TNS3: variants seen among roughly 807,000 people sequenced by gnomAD.
TNS3 encodes tensin 3.
Under a neutral mutation model 140.9 loss-of-function variants are expected in TNS3, and 45 were observed. That is an observed-to-expected ratio of 0.32 (90% CI 0.25 to 0.41). TNS3 has a LOEUF of 0.41. TNS3 is among the 10% of genes least tolerant of loss of function. The pLI, the probability that TNS3 is intolerant of heterozygous loss-of-function variation, is 1.00. For synonymous variants in TNS3, 815 were observed against 788.4 expected (o/e 1.03, Z -0.56); for missense variants, 1,716 against 1,906.7 (o/e 0.90, Z 1.86).
At chr7:47,409,712 C>A (rs1366257757) in intron 13 of TNS3, among the ~76,000 whole-genome samples, 1 of 152,154 alleles carries the variant, frequency 6.6e-6, no homozygotes, top group Non-Finnish European at 1.5e-5. Context: ...GGCTGGAGTG[C>A]AGTAGCGCAA....
intron 20 of TNS3, among the ~76,000 whole-genome samples, chr7:47,331,488 T>C (rs1044042525): frequency 7.9e-5 from 12 of 152,078 alleles, no homozygotes; most frequent in African/African-American, 2.7e-4. Flanking sequence ...AGTAACCCAA[T>C]CTCATGCTCC....
intron 16 of TNS3, among the ~76,000 whole-genome samples, chr7:47,390,534 C>G (rs1268781639): frequency 6.6e-6 from 1 of 152,196 alleles, no homozygotes; most frequent in Admixed American, 6.5e-5. Context: ...AGCCCCAAAG[C>G]GTGGATTCTG....
chr7:47,526,140 T>C (rs372183407), intron 2 of TNS3, among the ~76,000 whole-genome samples: 13 of 152,344 alleles, frequency 8.5e-5, no homozygotes, highest in South Asian at 8.3e-4. Flanking sequence ...AAATAGTCAA[T>C]ACTACTTAAA....
chr7:47,430,971 C>T (rs887852973), intron 8 of TNS3, among the ~76,000 whole-genome samples: 21 of 152,084 alleles, frequency 1.4e-4, no homozygotes, highest in African/African-American at 5.1e-4. Flanking sequence ...GATCTGCCCG[C>T]CTTGGCCTCC....
At chr7:47,312,647 G>A (rs1018910621) in intron 20 of TNS3, among the ~76,000 whole-genome samples, 2 of 150,642 alleles carry the variant, frequency 1.3e-5, no homozygotes, top group African/African-American at 2.4e-5. Flanking sequence ...AGGTTGCAAT[G>A]AGCTGAGATC....
intron 2 of TNS3, among the ~76,000 whole-genome samples, chr7:47,514,977 T>A (rs1391634249): frequency 6.6e-6 from 1 of 152,158 alleles, no homozygotes; most frequent in Admixed American, 6.5e-5. Flanking sequence ...TGAGAACGGG[T>A]TGCCTCAGAG....
intron 10 of TNS3, among the ~76,000 whole-genome samples, chr7:47,420,444 G>A (rs1054149391): frequency 7.2e-5 from 11 of 152,164 alleles, no homozygotes; most frequent in Non-Finnish European, 1.3e-4. Context: ...CAGAAAAAAT[G>A]GCAGAGTATG....
chr7:47,358,599 G>A (rs1790139212), intron 17 of TNS3, among the ~76,000 whole-genome samples: 1 of 152,336 alleles, frequency 6.6e-6, no homozygotes, highest in African/African-American at 2.4e-5. Context: ...GGTGACTTCT[G>A]GCAGAAGCCG....
intron 4 of TNS3, among the ~76,000 whole-genome samples, chr7:47,468,884 G>A (rs1334797526): frequency 6.6e-6 from 1 of 152,160 alleles, no homozygotes; most frequent in African/African-American, 2.4e-5. Flanking sequence ...TACTGGCACA[G>A]AAACAGACAC....
chr7:47,528,652 G>T (rs527803847), intron 2 of TNS3, among the ~76,000 whole-genome samples: 1 of 152,266 alleles, frequency 6.6e-6, no homozygotes, highest in Admixed American at 6.5e-5. Flanking sequence ...ATCTGAAAGG[G>T]GCCATACCAA....
intron 26 of TNS3, among the ~76,000 whole-genome samples, chr7:47,292,612 T>G (rs747513875): frequency 6.6e-6 from 1 of 152,248 alleles, no homozygotes; most frequent in Non-Finnish European, 1.5e-5. Context: ...AAATCCATGA[T>G]GTAAAGCTAT....
At chr7:47,525,695 C>A (rs116291140) in intron 2 of TNS3, among the ~76,000 whole-genome samples, 3,352 of 152,308 alleles carry the variant, frequency 0.022, 119 homozygotes, top group African/African-American at 0.076. Context: ...GACGCATGCA[C>A]GCATGCACAC....
intron 3 of TNS3, among the ~76,000 whole-genome samples, chr7:47,500,056 C>A (rs1054512794): frequency 5.9e-5 from 9 of 152,138 alleles, no homozygotes; most frequent in African/African-American, 1.9e-4. Context: ...ATTTTAAAAA[C>A]CATTTTAAAA....
rs1233813169 is a variant in TNS3, at chr7:47,303,033, T to C, written c.3374A>G (p.His1125Arg). The C allele has an allele frequency of 1.9e-6, 3 of 1,613,968 alleles. No individual in the cohort carries two copies. The Admixed American group carries it at 5.0e-5, about 27-fold the overall frequency. ...SPSSSGFSSP[H>R]SGSTISIPFP... ...GGGGATACTGATGGTGCTCCCGCTG[T>C]GCGGGCTGGAGAAGCCACTGGAGGA... Residue 1125 changes from histidine to arginine, a missense_variant, in exon 22 of 31, where the codon CAC becomes CGC. Coordinates refer to ENST00000311160, the MANE Select transcript of TNS3 (RefSeq NM_022748.12).
chr7:47,362,725 C>T (rs1318927843), intron 17 of TNS3, among the ~76,000 whole-genome samples: 7 of 151,482 alleles, frequency 4.6e-5, no homozygotes, highest in Non-Finnish European at 1.0e-4. Flanking sequence ...TCACTAACAC[C>T]ACCATAAACA....
chr7:47,582,441 T>C, upstream of TNS3: 1 of 456,616 alleles, frequency 2.2e-6, no homozygotes, highest in South Asian at 1.5e-5. Context: ...GGAGGCGGGT[T>C]CGGATCCTGG....
At chr7:47,574,931 G>A (rs1350637229) in intron 1 of TNS3, among the ~76,000 whole-genome samples, 2 of 152,110 alleles carry the variant, frequency 1.3e-5, no homozygotes, top group East Asian at 3.9e-4. Flanking sequence ...TTCTGGAGCT[G>A]GAGGGTGGTG....
intron 15 of TNS3, among the ~76,000 whole-genome samples, chr7:47,397,300 T>C (rs1229352897): frequency 6.6e-6 from 1 of 152,150 alleles, no homozygotes; most frequent in African/African-American, 2.4e-5. Context: ...TTCAAGTCTT[T>C]TTAGGAATAC....
At chr7:47,441,946 T>C (rs1307549925) in intron 5 of TNS3, 57 bp downstream of exon 5, 1 of 1,221,178 alleles carries the variant, frequency 8.2e-7, no homozygotes, top group African/African-American at 1.5e-5. Flanking sequence ...GTTTCCTCTG[T>C]AGAGAGCTGA....
Sources: allele counts gnomAD v4.1 joint callset (sites outside exome capture counted in the v4.1 genomes callset), GRCh38; gene constraint gnomAD v4.1.1; transcripts MANE v1.5; gene names NCBI Gene and HGNC (gene_info 2026-07-23, HGNC 2026-07-21).